Variants in DNAH6 observed in about 807,000 individuals in gnomAD.
DNAH6 encodes axonemal beta dynein heavy chain 6.
DNAH6 carries 340 observed loss-of-function variants against 491.4 expected under a neutral mutation model. That is an observed-to-expected ratio of 0.69 (90% confidence interval 0.63 to 0.76). The LOEUF is 0.76. DNAH6 is among the 30% of genes least tolerant of loss of function. DNAH6 has a pLI of 0.00. For missense variants in DNAH6, 4,443 were observed against 4,972.2 expected (o/e 0.89, Z 3.20); for synonymous variants, 1,603 against 1,686.1 (o/e 0.95, Z 1.21).
At chr2:84,646,930 C>T (rs1389908196) in intron 33 of DNAH6, among the ~76,000 whole-genome samples, 1 of 152,202 alleles carries the variant, frequency 6.6e-6, no homozygotes, top group Non-Finnish European at 1.5e-5. Context: ...TCACTGCAAC[C>T]TCTGCCTCCC....
At chr2:84,791,857 G>A (rs1677785671) in intron 68 of DNAH6, among the ~76,000 whole-genome samples, 1 of 151,926 alleles carries the variant, frequency 6.6e-6, no homozygotes, top group African/African-American at 2.4e-5. Context: ...GATTAATTCA[G>A]AAAATATTGA....
chr2:84,584,319 T>A, intron 15 of DNAH6, 69 bp downstream of exon 15: 1 of 1,442,954 alleles, frequency 6.9e-7, no homozygotes, highest in South Asian at 1.3e-5. Flanking sequence ...TTTATTAAAG[T>A]ATAATCAACA....
the DNAH6 span, among the ~76,000 whole-genome samples, chr2:84,476,959 G>C: frequency 8.5e-4 from 130 of 152,264 alleles, no homozygotes; most frequent in African/African-American, 3.0e-3. Flanking sequence ...GTCCTTTGAC[G>C]GCGCATCCTC....
chr2:84,583,869 C>G, intron 14 of DNAH6, 130 bp from the exon 15 acceptor site: 1 of 956,678 alleles, frequency 1.0e-6, no homozygotes, highest in Non-Finnish European at 1.5e-6. Flanking sequence ...TTAGATATGT[C>G]TTTATTAGCA....
Position 84,634,630 on chromosome 2 carries a change from A to G in DNAH6, c.4642A>G (p.Lys1548Glu). 2 of 1,535,554 alleles carry G rather than the reference A, an allele frequency of 1.3e-6. No homozygotes were observed. Among genetic ancestry groups the G allele is most frequent in the South Asian group, 1.2e-5 (1 of 80,936 alleles). The change falls in exon 30 of 77, where the codon AAA becomes GAA. Residue 1548 changes from lysine (K) to glutamate (E), a missense_variant. By Grantham distance (56) the Lys-to-Glu change is moderately conservative (BLOSUM62 1). Around this residue, in one of 3 missense-constraint regions of DNAH6, gnomAD observed 2,977 missense variants for 3,296.6 expected, o/e 0.90. Coordinates refer to ENST00000389394, the MANE Select transcript of DNAH6 (RefSeq NM_001370.2). The part of the protein sequence containing the change: ...AQQLITIRNA[K>E]AAKLSRFMFE... Reference sequence around the variant, plus strand: ...GCAACTCATTACCATTAGGAACGCCAAAGCGGCAAAGGTAAGGCACTGGGC... The same window carrying G: ...GCAACTCATTACCATTAGGAACGCCGAAGCGGCAAAGGTAAGGCACTGGGC...
intron 37 of DNAH6, among the ~76,000 whole-genome samples, chr2:84,667,017 A>G (rs181739440): frequency 1.6e-3 from 238 of 152,350 alleles, no homozygotes; most frequent in South Asian, 8.7e-3. Context: ...TATTTAATAA[A>G]TGGTGCTGGG....
chr2:84,631,418 T>C (rs1290649352), intron 29 of DNAH6, among the ~76,000 whole-genome samples: 2 of 152,080 alleles, frequency 1.3e-5, no homozygotes, highest in Non-Finnish European at 2.9e-5. Flanking sequence ...TTGAATTGTG[T>C]CCCCTCAAAA....
chr2:84,702,924 G>C (rs1696068183), intron 49 of DNAH6, among the ~76,000 whole-genome samples: 1 of 152,152 alleles, frequency 6.6e-6, no homozygotes. Flanking sequence ...ATGGTCAAGA[G>C]TTTTCTACCA....
At position 84,527,463 on chromosome 2, in the gene DNAH6, G is replaced by T. The variant is rs538795714; in HGVS notation, c.400-1441G>T. Among the ~76,000 whole-genome samples the T allele has an allele frequency of 6.6e-5, 10 of 152,264 alleles. No homozygotes were observed. In the South Asian group the frequency reaches 1.9e-3, roughly 28 times the overall value. ...ATGGAAGAAGTCTTCCACTTAGAATGCAGTAAGACTTTTTAAAGACTAGAA... is the reference window on the plus strand; with the variant it reads ...ATGGAAGAAGTCTTCCACTTAGAATTCAGTAAGACTTTTTAAAGACTAGAA... On this transcript the variant is annotated intron_variant, in intron 3 of 76. Coordinates refer to ENST00000389394, the MANE Select transcript of DNAH6 (RefSeq NM_001370.2).
At chr2:84,549,858 C>T (rs763133849) in intron 8 of DNAH6, 31 bp from the exon 9 acceptor site, 8 of 1,545,946 alleles carry the variant, frequency 5.2e-6, no homozygotes, top group South Asian at 2.4e-5. Flanking sequence ...TATAAGAAAC[C>T]GAAATTGTAT....
chr2:84,641,461 C>T (rs1201174112), intron 32 of DNAH6, among the ~76,000 whole-genome samples: 2 of 152,148 alleles, frequency 1.3e-5, no homozygotes, highest in African/African-American at 4.8e-5. Flanking sequence ...AGAGACAGAC[C>T]AATGTGTAGT....
intron 48 of DNAH6, 78 bp downstream of exon 48, chr2:84,699,812 A>T: frequency 2.2e-6 from 3 of 1,373,646 alleles, no homozygotes; most frequent in South Asian, 1.4e-5. Context: ...GTCCAAGAGT[A>T]ACTCATGGGT....
chr2:84,491,956 C>A, the DNAH6 span, among the ~76,000 whole-genome samples: 1 of 152,148 alleles, frequency 6.6e-6, no homozygotes, highest in Admixed American at 6.6e-5. Flanking sequence ...CAGGTCTTCC[C>A]CGTTGCGCCG....
intron 76 of DNAH6, 42 bp downstream of exon 76, chr2:84,816,125 C>A (rs1573896253): frequency 7.0e-7 from 1 of 1,437,122 alleles, no homozygotes; most frequent in South Asian, 1.3e-5. Context: ...TGACCAAATG[C>A]AATCTTCAAT....
chr2:84,467,965 T>A, the DNAH6 span, among the ~76,000 whole-genome samples: 2 of 152,208 alleles, frequency 1.3e-5, no homozygotes, highest in Non-Finnish European at 2.9e-5. Context: ...ATGTTTTTCT[T>A]TTATCAATAA....
chr2:84,496,160 CT>C, the DNAH6 span, among the ~76,000 whole-genome samples: 1 of 152,192 alleles, frequency 6.6e-6, no homozygotes, highest in African/African-American at 2.4e-5. Context: ...GATGTCATTT[CT>C]TTTTATCAAA....
intron 58 of DNAH6, 149 bp from the exon 59 acceptor site, chr2:84,718,055 C>A: frequency 1.8e-6 from 1 of 568,646 alleles, no homozygotes; most frequent in Non-Finnish European, 3.0e-6. Context: ...GCAAAAGAGA[C>A]ATGGTGTGCA....
At chr2:84,722,862 G>C in intron 60 of DNAH6, 58 bp downstream of exon 60, 1 of 1,034,996 alleles carries the variant, frequency 9.7e-7, no homozygotes. Flanking sequence ...TACACCTGTT[G>C]AATTACTTCT....
chr2:84,643,318 T>C (rs1689599351), intron 33 of DNAH6, among the ~76,000 whole-genome samples: 1 of 152,062 alleles, frequency 6.6e-6, no homozygotes, highest in African/African-American at 2.4e-5. Context: ...ATCTTTAATT[T>C]TCTATGGTTT....
Sources: allele counts gnomAD v4.1 joint callset (sites outside exome capture counted in the v4.1 genomes callset), GRCh38; gene constraint gnomAD v4.1.1; regional missense constraint gnomAD v4.1.1; transcripts MANE v1.5; gene names NCBI Gene and HGNC (gene_info 2026-07-23, HGNC 2026-07-21).